The following PRKD1 variants were observed in gnomAD, a reference collection of about 807,000 sequenced individuals.
The protein encoded by PRKD1 is protein kinase D1, also known as serine/threonine-protein kinase D1.
PRKD1 carries 63 observed loss-of-function variants against 95.9 expected under a neutral mutation model. The ratio of observed to expected loss-of-function variants is 0.66; its 90% CI spans 0.54 to 0.81. PRKD1 has a LOEUF of 0.81. Among genes scored for constraint, PRKD1 ranks in the 30% least tolerant of loss-of-function variants. PRKD1 has a pLI of 0.00. For missense variants in PRKD1, 1,048 were observed against 1,165.3 expected, an observed-to-expected ratio of 0.90 and a Z score of 1.47; for synonymous variants, 425 against 423.1, an observed-to-expected ratio of 1.00 and a Z score of -0.05.
In PRKD1 at chr14:29,927,726, T is replaced by G; in HGVS notation, c.-214A>C. 7 of 197,744 alleles carry G rather than the reference T, an allele frequency of 3.5e-5. No homozygotes were observed. Among genetic ancestry groups the G allele is most frequent in the Admixed American group, 6.1e-5 (1 of 16,270 alleles). The allele number at this position is 197,744 out of a possible 1,614,324, so 12.2% of individuals were successfully genotyped here. On this transcript the variant is annotated 5_prime_UTR_variant, in exon 1 of 18. Coordinates refer to ENST00000331968, the MANE Select transcript of PRKD1 (RefSeq NM_002742.3). Reference sequence around the variant, plus strand: ...GGGAGGAGATGGGGAGGAGGGAAAATGGCCGAGGCGGGAGGACTCTGAGGC... The same window carrying G: ...GGGAGGAGATGGGGAGGAGGGAAAAGGGCCGAGGCGGGAGGACTCTGAGGC...
At chr14:29,765,647 T>A (rs894614093) in intron 1 of PRKD1, among the ~76,000 whole-genome samples, 1 of 152,162 alleles carries the variant, frequency 6.6e-6, no homozygotes, top group Admixed American at 6.5e-5. Context: ...ACAGAATGGA[T>A]AAATATTAAT....
chr14:29,636,518 A>T (rs2139129927), intron 6 of PRKD1, 24 bp from the exon 7 acceptor site: 2 of 1,612,856 alleles, frequency 1.2e-6, no homozygotes, highest in Non-Finnish European at 1.7e-6. Context: ...TTCACCCATG[A>T]AGATAAGCCT....
intron 1 of PRKD1, among the ~76,000 whole-genome samples, chr14:29,747,305 G>A (rs975660300): frequency 1.3e-5 from 2 of 152,142 alleles, no homozygotes; most frequent in Admixed American, 6.5e-5. Flanking sequence ...AAAGTAACAG[G>A]TATTAGGATG....
In PRKD1 at chr14:29,892,529, AC is replaced by A. The variant is rs371995740; in HGVS notation, c.264+34719del. Among the ~76,000 whole-genome samples, 4 of 152,178 alleles carry A rather than the reference AC, an allele frequency of 2.6e-5. No individual in the cohort carries two copies. In the East Asian group the frequency reaches 7.7e-4, roughly 29 times the overall value. On this transcript the variant is annotated intron_variant, in intron 1 of 17. Coordinates refer to ENST00000331968, the MANE Select transcript of PRKD1 (RefSeq NM_002742.3). The stretch of plus-strand genomic sequence containing the variant: ...TGACAGATCTCACAATAAAAGTCTT[AC>A]ACAAATTACCTTCTTTTCAGTGCCA...
chr14:29,798,228 C>A (rs950330762), intron 1 of PRKD1, among the ~76,000 whole-genome samples: 4 of 152,110 alleles, frequency 2.6e-5, no homozygotes, highest in Admixed American at 6.6e-5. Flanking sequence ...TTGAGAATTG[C>A]ACTTTTCTGA....
chr14:29,888,542 T>C (rs1429060581), intron 1 of PRKD1, among the ~76,000 whole-genome samples: 2 of 152,038 alleles, frequency 1.3e-5, no homozygotes, highest in African/African-American at 2.4e-5. Flanking sequence ...AGAAGAAAAA[T>C]AGTCAAACCT....
At chr14:29,615,847 T>C (rs1566488203) in intron 13 of PRKD1, among the ~76,000 whole-genome samples, 1 of 152,176 alleles carries the variant, frequency 6.6e-6, no homozygotes, top group African/African-American at 2.4e-5. Context: ...GAAAGAATGA[T>C]AGCAAAATAC....
intron 2 of PRKD1, among the ~76,000 whole-genome samples, chr14:29,667,775 G>A (rs1882606885): frequency 6.6e-6 from 1 of 152,044 alleles, no homozygotes; most frequent in Non-Finnish European, 1.5e-5. Context: ...ACGATTAGTT[G>A]AATAATTACT....
chr14:29,747,723 T>C (rs1311215429), intron 1 of PRKD1, among the ~76,000 whole-genome samples: 1 of 152,120 alleles, frequency 6.6e-6, no homozygotes, highest in Non-Finnish European at 1.5e-5. Context: ...ATTTACAATT[T>C]TTCCTTTTTT....
chr14:29,879,573 T>G (rs546441164), intron 1 of PRKD1, among the ~76,000 whole-genome samples: 13 of 152,284 alleles, frequency 8.5e-5, no homozygotes, highest in South Asian at 2.1e-4. Flanking sequence ...ACTAAATTTG[T>G]ACTGGGAGTG....
intron 2 of PRKD1, among the ~76,000 whole-genome samples, chr14:29,698,680 C>A (rs1884664956): frequency 6.6e-6 from 1 of 151,848 alleles, no homozygotes; most frequent in Non-Finnish European, 1.5e-5. Flanking sequence ...TAAGTGCCTC[C>A]TGGACACAGC....
At chr14:29,896,194 T>C (rs1894117840) in intron 1 of PRKD1, among the ~76,000 whole-genome samples, 1 of 152,192 alleles carries the variant, frequency 6.6e-6, no homozygotes, top group Admixed American at 6.5e-5. Context: ...TTATCAACAT[T>C]ATTTAGATGA....
intron 1 of PRKD1, among the ~76,000 whole-genome samples, chr14:29,812,691 C>G (rs1890540289): frequency 6.6e-6 from 1 of 152,186 alleles, no homozygotes; most frequent in African/African-American, 2.4e-5. Context: ...AGGAGAACAG[C>G]AGAGGGGAAA....
chr14:29,623,340 A>ATT (rs1879402266), intron 13 of PRKD1, among the ~76,000 whole-genome samples: 1 of 152,232 alleles, frequency 6.6e-6, no homozygotes, highest in African/African-American at 2.4e-5. Context: ...GAAACTCAAT[A>ATT]AATGGCAGTT....
At chr14:29,611,577 G>A (rs1480195617) in intron 13 of PRKD1, among the ~76,000 whole-genome samples, 1 of 151,966 alleles carries the variant, frequency 6.6e-6, no homozygotes, top group Non-Finnish European at 1.5e-5. Flanking sequence ...TATAATGTTG[G>A]AGAACCAGCA....
chr14:29,804,124 C>T (rs1890138611), intron 1 of PRKD1, among the ~76,000 whole-genome samples: 2 of 151,924 alleles, frequency 1.3e-5, no homozygotes, highest in South Asian at 4.2e-4. Context: ...CGCCTGTAAT[C>T]CCAGCTACTG....
intron 1 of PRKD1, among the ~76,000 whole-genome samples, chr14:29,923,108 G>A (rs1015365161): frequency 2.0e-5 from 3 of 151,494 alleles, no homozygotes; most frequent in African/African-American, 7.3e-5. Context: ...ACCCATACCT[G>A]TAGACCCAGC....
intron 1 of PRKD1, among the ~76,000 whole-genome samples, chr14:29,794,467 T>G (rs973471874): frequency 6.6e-6 from 1 of 152,168 alleles, no homozygotes; most frequent in Non-Finnish European, 1.5e-5. Context: ...ACAATAATTG[T>G]GTAAATAAAA....
At chr14:29,747,782 T>C (rs1175249008) in intron 1 of PRKD1, among the ~76,000 whole-genome samples, 1 of 152,154 alleles carries the variant, frequency 6.6e-6, no homozygotes, top group East Asian at 1.9e-4. Flanking sequence ...CTCACTCCAT[T>C]GTCCAGGCTG....
Sources: allele counts gnomAD v4.1 joint callset (sites outside exome capture counted in the v4.1 genomes callset), GRCh38; gene constraint gnomAD v4.1.1; transcripts MANE v1.5; gene names NCBI Gene and HGNC (gene_info 2026-07-23, HGNC 2026-07-21).